SUPT3H: variants seen among roughly 807,000 people sequenced by gnomAD.
SUPT3H encodes the protein transcription initiation protein SPT3 homolog.
SUPT3H carries 44 observed loss-of-function variants against 44.3 expected under a neutral mutation model. That is an observed-to-expected ratio of 0.99 (90% confidence interval 0.78 to 1.28). The LOEUF is 1.28. Ranked by LOEUF, SUPT3H falls within the 50% of genes most tolerant of loss-of-function variation. The probability of loss-of-function intolerance (pLI) is 0.00; values close to 1 mark genes in which losing one functional copy is unlikely to be tolerated. For synonymous variants in SUPT3H, 124 were observed against 125.6 expected (o/e 0.99, Z 0.09); for missense variants, 380 against 387.1 (o/e 0.98, Z 0.15).
At chr6:45,143,453 T>C (rs1462369517) in intron 2 of SUPT3H, among the ~76,000 whole-genome samples, 5 of 152,170 alleles carry the variant, frequency 3.3e-5, no homozygotes, top group Admixed American at 6.6e-5. Flanking sequence ...TTTTGAATGA[T>C]CTTTGGGTCA....
chr6:45,174,233 C>T (rs1811304212), intron 2 of SUPT3H, among the ~76,000 whole-genome samples: 1 of 152,198 alleles, frequency 6.6e-6, no homozygotes, highest in South Asian at 2.1e-4. Context: ...GTCCCATTAA[C>T]GTTCTACGTA....
intron 2 of SUPT3H, among the ~76,000 whole-genome samples, chr6:45,189,301 A>C (rs1024981114): frequency 2.6e-5 from 4 of 152,214 alleles, no homozygotes; most frequent in Admixed American, 2.6e-4. Flanking sequence ...TTTATAAATC[A>C]CAAGGTTCAA....
At chr6:45,154,471 G>A (rs1450991230) in intron 2 of SUPT3H, among the ~76,000 whole-genome samples, 1 of 152,130 alleles carries the variant, frequency 6.6e-6, no homozygotes, top group Non-Finnish European at 1.5e-5. Context: ...TTAACCACTA[G>A]AGAAGAGAGA....
intron 3 of SUPT3H, among the ~76,000 whole-genome samples, chr6:45,033,566 A>C (rs1052183928): frequency 3.3e-5 from 5 of 152,228 alleles, no homozygotes; most frequent in Admixed American, 2.0e-4. Flanking sequence ...TACAGATATT[A>C]TGACTATCAC....
intron 2 of SUPT3H, among the ~76,000 whole-genome samples, chr6:45,275,733 T>G (rs1043424831): frequency 2.0e-5 from 3 of 152,144 alleles, no homozygotes; most frequent in Non-Finnish European, 2.9e-5. Flanking sequence ...TTAGGGGAAG[T>G]TGGGTGAAGA....
chr6:45,016,550 G>A (rs932555660), intron 4 of SUPT3H, among the ~76,000 whole-genome samples: 7 of 131,220 alleles, frequency 5.3e-5, no homozygotes, highest in African/African-American at 2.1e-4. Flanking sequence ...GTGTCCATGT[G>A]TTCTCATTGT....
intron 9 of SUPT3H, among the ~76,000 whole-genome samples, chr6:44,948,403 A>G (rs2153471457): frequency 6.6e-6 from 1 of 152,314 alleles, no homozygotes; most frequent in Admixed American, 6.5e-5. Context: ...ATCTAATTAA[A>G]CTAAAGAGCT....
chr6:44,908,575 C>T (rs981526946), intron 10 of SUPT3H, among the ~76,000 whole-genome samples: 3 of 152,090 alleles, frequency 2.0e-5, no homozygotes, highest in African/African-American at 7.2e-5. Context: ...CACACTGGTA[C>T]TATGGGGAAA....
At chr6:45,234,530 CAAAAAA>C (rs10713328) in intron 2 of SUPT3H, among the ~76,000 whole-genome samples, 2 of 126,958 alleles carry the variant, frequency 1.6e-5, no homozygotes, top group Non-Finnish European at 3.4e-5. Context: ...GACGCTGTCA[CAAAAAA>C]AAAAAAAAAA....
At chr6:44,971,182 T>A (rs1279328358) in intron 6 of SUPT3H, among the ~76,000 whole-genome samples, 1 of 152,184 alleles carries the variant, frequency 6.6e-6, no homozygotes, top group Non-Finnish European at 1.5e-5. Flanking sequence ...CATCAGTTAA[T>A]TCCCTCTAAG....
intron 2 of SUPT3H, chr6:45,250,854 T>G (rs1772246690): frequency 6.6e-6 from 1 of 151,004 alleles, no homozygotes; most frequent in Admixed American, 6.6e-5. Flanking sequence ...TGAGACAGAG[T>G]CTTGCTCAGT....
At chr6:45,155,516 T>G (rs1156924820) in intron 2 of SUPT3H, among the ~76,000 whole-genome samples, 2 of 152,204 alleles carry the variant, frequency 1.3e-5, no homozygotes, top group Non-Finnish European at 2.9e-5. Context: ...TTGTTACTTC[T>G]GTGTAAACCC....
chr6:44,949,611 C>CA (rs34872121), intron 9 of SUPT3H, among the ~76,000 whole-genome samples: 112,055 of 140,210 alleles, frequency 0.8, 45,516 homozygotes, highest in East Asian at 0.91. Context: ...CCTTTGCCTG[C>CA]AAAAAAAAAA....
chr6:44,999,083 T>C (rs1016512481), intron 6 of SUPT3H, among the ~76,000 whole-genome samples: 6 of 152,060 alleles, frequency 3.9e-5, no homozygotes, highest in Admixed American at 6.6e-5. Context: ...TTAACTTCCG[T>C]TATTACTTTC....
In SUPT3H at chr6:45,299,961, A is replaced by ATG. The variant is rs1165265639; in HGVS notation, c.101+65238_101+65239dup. Among the ~76,000 whole-genome samples, 16 of 151,050 alleles carry ATG rather than the reference A, an allele frequency of 1.1e-4. No homozygotes were observed. In the East Asian group the frequency reaches 2.7e-3, roughly 26 times the overall value. ...ATTATATATGTGAATATATATATAT[A>ATG]TGTGTGCACACACACACACAACAAA... On this transcript the variant is annotated intron_variant, in intron 2 of 10. Transcript: ENST00000371459.
chr6:45,180,339 ACT>A (rs1812900430), intron 2 of SUPT3H, among the ~76,000 whole-genome samples: 1 of 149,948 alleles, frequency 6.7e-6, no homozygotes, highest in South Asian at 2.1e-4. Flanking sequence ...GCTACCAATG[ACT>A]CTCTTCACAG....
At chr6:45,042,825 T>C (rs1235477729) in intron 3 of SUPT3H, among the ~76,000 whole-genome samples, 1 of 6,326 alleles carries the variant, frequency 1.6e-4, no homozygotes, top group Non-Finnish European at 2.2e-4. Context: ...CTATTCACAA[T>C]AGCAGACTTG....
intron 3 of SUPT3H, among the ~76,000 whole-genome samples, chr6:45,052,141 T>C (rs2153536750): frequency 6.6e-6 from 1 of 152,268 alleles, no homozygotes; most frequent in South Asian, 2.1e-4. Flanking sequence ...TATATTTAGT[T>C]ACAAGGAGGT....
intron 2 of SUPT3H, among the ~76,000 whole-genome samples, chr6:45,236,679 G>A (rs1241716996): frequency 6.6e-6 from 1 of 151,944 alleles, no homozygotes; most frequent in East Asian, 1.9e-4. Flanking sequence ...TATTCAGGCA[G>A]GAATCCAGCA....
Sources: gnomAD v4.1 joint callset for allele counts (sites outside exome capture counted in the v4.1 genomes callset) on GRCh38, gnomAD v4.1.1 for gene constraint, MANE v1.5 for transcripts, NCBI Gene and HGNC (gene_info 2026-07-23, HGNC 2026-07-21) for gene names.